LMAN2L: variants seen among roughly 807,000 people sequenced by gnomAD.
LMAN2L encodes lectin, mannose binding 2 like.
In LMAN2L, 30 loss-of-function variants were observed where a neutral mutation model predicts 44.3. The observed-to-expected ratio is 0.68, with a 90% CI of 0.51 to 0.92. The LOEUF is 0.92. Among genes scored for constraint, LMAN2L ranks in the 40% least tolerant of loss-of-function variants. The pLI is 0.00. For synonymous variants in LMAN2L, 183 were observed against 171.1 expected, an observed-to-expected ratio of 1.07 and a Z score of -0.54; for missense variants, 429 against 446.1, an observed-to-expected ratio of 0.96 and a Z score of 0.35.
intron 4 of LMAN2L, among the ~76,000 whole-genome samples, chr2:96,713,432 T>C (rs2077971512): frequency 1.3e-5 from 2 of 152,110 alleles, no homozygotes; most frequent in Admixed American, 6.5e-5. Context: ...CTCTAACCCA[T>C]AGAGGGTCCT....
chr2:96,717,942 T>G (rs1475314412), intron 4 of LMAN2L, among the ~76,000 whole-genome samples: 3 of 152,058 alleles, frequency 2.0e-5, no homozygotes, highest in Non-Finnish European at 4.4e-5. Flanking sequence ...TTATATTTTT[T>G]CCCCCTAAAG....
chr2:96,737,630 T>C (rs913508962), intron 2 of LMAN2L, among the ~76,000 whole-genome samples: 2 of 152,168 alleles, frequency 1.3e-5, no homozygotes, highest in Admixed American at 1.3e-4. Context: ...TCTGGTCTTC[T>C]TATAATCTTC....
chr2:96,729,582 C>T (rs1409242396), intron 4 of LMAN2L, among the ~76,000 whole-genome samples: 1 of 151,600 alleles, frequency 6.6e-6, no homozygotes, highest in Non-Finnish European at 1.5e-5. Flanking sequence ...GATCTTGGCT[C>T]ACTGCAACCT....
At chr2:96,709,346 A>C (rs973703813) in intron 6 of LMAN2L, among the ~76,000 whole-genome samples, 1 of 152,206 alleles carries the variant, frequency 6.6e-6, no homozygotes, top group Non-Finnish European at 1.5e-5. Flanking sequence ...TTTTCTGGGA[A>C]GTTCCAACTT....
intron 4 of LMAN2L, among the ~76,000 whole-genome samples, chr2:96,729,083 A>T (rs1166917108): frequency 7.0e-6 from 1 of 143,490 alleles, no homozygotes. Flanking sequence ...GAAGCAGGAG[A>T]ATGGCGTGAA....
intron 4 of LMAN2L, among the ~76,000 whole-genome samples, chr2:96,723,176 A>G (rs2078195688): frequency 6.6e-6 from 1 of 152,242 alleles, no homozygotes; most frequent in Non-Finnish European, 1.5e-5. Context: ...CCAGCAGTCT[A>G]TGAGGGTTCC....
intron 4 of LMAN2L, among the ~76,000 whole-genome samples, chr2:96,729,798 G>A (rs1192074245): frequency 1.3e-5 from 2 of 152,052 alleles, no homozygotes; most frequent in African/African-American, 2.4e-5. Context: ...GAGCCACCGC[G>A]CCCGGCCTTA....
In LMAN2L at chr2:96,739,831, CCACCTCACCCTGGG is replaced by C. The variant is rs2078596285; in HGVS notation, c.187+9_187+22del. On this transcript the variant is annotated intron_variant, in intron 1 of 7. Coordinates refer to ENST00000264963, the MANE Select transcript of LMAN2L (RefSeq NM_030805.4). ...TCCCGAAGCCCGCCCCACTGCACGA[CCACCTCACCCTGGG>C]CGCCTCACCCTGGTAGGGCTTCGAC... is the stretch of plus-strand genomic sequence containing the variant. 6.2e-7 allele frequency: 1 copy of C among 1,611,292 alleles called. No homozygotes were observed. Among genetic ancestry groups the C allele is most frequent in the Non-Finnish European group, 8.5e-7 (1 of 1,179,410 alleles).
intron 4 of LMAN2L, among the ~76,000 whole-genome samples, chr2:96,717,531 C>T (rs1196977692): frequency 1.1e-5 from 1 of 91,430 alleles, no homozygotes; most frequent in African/African-American, 5.4e-5. Context: ...AACCCTGTGT[C>T]GGAAAAAAAA....
In LMAN2L at chr2:96,707,435, G is replaced by C. The variant is rs772941714; in HGVS notation, c.905-37C>G. 6 of 1,588,740 alleles carry C rather than the reference G, an allele frequency of 3.8e-6. No individual in the cohort carries two copies. In the Admixed American group the frequency reaches 1.1e-4, roughly 28 times the overall value. On this transcript the variant is annotated intron_variant, in intron 7 of 7. Transcript: ENST00000264963. The stretch of plus-strand genomic sequence containing the variant: ...AGAGAGAAGCAAGTCAGAAAACAGG[G>C]AGCCCACCCAATAGGGAAGGATCAA...
At chr2:96,712,290 A>ATTAG (rs1217747015) in intron 4 of LMAN2L, among the ~76,000 whole-genome samples, 1 of 152,200 alleles carries the variant, frequency 6.6e-6, no homozygotes, top group Admixed American at 6.5e-5. Context: ...GGTCCTCCTA[A>ATTAG]GACGCTGGAG....
chr2:96,735,590 G>A (rs968855920), intron 2 of LMAN2L, among the ~76,000 whole-genome samples: 2 of 152,168 alleles, frequency 1.3e-5, no homozygotes, highest in Non-Finnish European at 2.9e-5. Context: ...TGTAATCCCA[G>A]CACTTTGGGA....
At chr2:96,731,806 G>C (rs1407585129) in intron 4 of LMAN2L, among the ~76,000 whole-genome samples, 1 of 151,706 alleles carries the variant, frequency 6.6e-6, no homozygotes, top group African/African-American at 2.4e-5. Flanking sequence ...CTGGAGTGCA[G>C]TGGTGTGATC....
At chr2:96,720,874 C>T (rs561655267) in intron 4 of LMAN2L, among the ~76,000 whole-genome samples, 1 of 152,028 alleles carries the variant, frequency 6.6e-6, no homozygotes, top group African/African-American at 2.4e-5. Flanking sequence ...GGGAGATGGA[C>T]GTTGCAGTGA....
chr2:96,735,578 C>T (rs2078496949), intron 2 of LMAN2L, among the ~76,000 whole-genome samples: 1 of 152,202 alleles, frequency 6.6e-6, no homozygotes, highest in African/African-American at 2.4e-5. Flanking sequence ...GTGGCTCACG[C>T]CTGTAATCCC....
At chr2:96,716,963 T>G (rs566424159) in intron 4 of LMAN2L, among the ~76,000 whole-genome samples, 19 of 152,332 alleles carry the variant, frequency 1.2e-4, no homozygotes, top group African/African-American at 4.6e-4. Context: ...ATCTGGGACT[T>G]TCTTTCATTA....
intron 4 of LMAN2L, among the ~76,000 whole-genome samples, chr2:96,715,439 G>C (rs1352741030): frequency 6.6e-6 from 1 of 152,220 alleles, no homozygotes; most frequent in Non-Finnish European, 1.5e-5. Flanking sequence ...CTAGTCAAGA[G>C]TTCCTGGAAG....
At chr2:96,737,212 A>G (rs1316783856) in intron 2 of LMAN2L, 2 of 448,308 alleles carry the variant, frequency 4.5e-6, no homozygotes, top group African/African-American at 4.0e-5. Flanking sequence ...AAGGAAGACA[A>G]TGCAGCTAGA....
chr2:96,715,207 G>A (rs2078015906), intron 4 of LMAN2L, among the ~76,000 whole-genome samples: 1 of 152,176 alleles, frequency 6.6e-6, no homozygotes, highest in South Asian at 2.1e-4. Context: ...AAAGTGCTGG[G>A]ATTACAGGCG....
Sources: allele counts gnomAD v4.1 joint callset (sites outside exome capture counted in the v4.1 genomes callset), GRCh38; gene constraint gnomAD v4.1.1; transcripts MANE v1.5; gene names NCBI Gene and HGNC (gene_info 2026-07-23, HGNC 2026-07-21).